PHC3: variants seen among roughly 807,000 people sequenced by gnomAD.
The protein encoded by PHC3 is polyhomeotic homolog 3.
A neutral mutation model predicts 107.4 loss-of-function variants in PHC3; 13 were observed. The observed-to-expected ratio is 0.12, with a 90% CI of 0.08 to 0.19. The LOEUF (loss-of-function observed/expected upper bound fraction) is 0.19. Ranked by LOEUF, PHC3 falls within the 10% of genes least tolerant of loss-of-function variation. The pLI is 1.00. For missense variants in PHC3, 992 were observed against 1,210.9 expected, an observed-to-expected ratio of 0.82 and a Z score of 2.68; for synonymous variants, 456 against 427.4, an observed-to-expected ratio of 1.07 and a Z score of -0.83.
At chr3:170,155,631 A>AG (rs200682230) in intron 4 of PHC3, among the ~76,000 whole-genome samples, 1,853 of 152,212 alleles carry the variant, frequency 0.012, 40 homozygotes, top group African/African-American at 0.042. Flanking sequence ...CTGAGCTGGG[A>AG]GATCACTTGA....
intron 13 of PHC3, 32 bp downstream of exon 13, chr3:170,102,770 G>A (rs969924230): frequency 6.2e-7 from 1 of 1,613,318 alleles, no homozygotes; most frequent in South Asian, 1.1e-5. Flanking sequence ...TCTGAAAAGG[G>A]TATTTTACAT....
chr3:170,155,899 T>C (rs1289834842), intron 4 of PHC3, among the ~76,000 whole-genome samples: 1 of 152,020 alleles, frequency 6.6e-6, no homozygotes, highest in East Asian at 1.9e-4. Context: ...AGGAGTAAAA[T>C]CCGGGATTAC....
chr3:170,110,451 G>A (rs895648921), intron 11 of PHC3, among the ~76,000 whole-genome samples: 1 of 151,994 alleles, frequency 6.6e-6, no homozygotes, highest in Non-Finnish European at 1.5e-5. Context: ...AAATGTTCTC[G>A]CTGTTTATCC....
intron 12 of PHC3, among the ~76,000 whole-genome samples, chr3:170,103,814 G>A (rs1452809716): frequency 6.6e-6 from 1 of 152,234 alleles, no homozygotes; most frequent in Non-Finnish European, 1.5e-5. Flanking sequence ...CACTTTGGGA[G>A]GCCAAGGTGG....
chr3:170,181,020 G>A (rs1051384512), intron 1 of PHC3, among the ~76,000 whole-genome samples: 1 of 152,372 alleles, frequency 6.6e-6, no homozygotes, highest in Non-Finnish European at 1.5e-5. Context: ...AAGTTCTGGA[G>A]TCGTTAACTA....
chr3:170,162,558 GCTAA>G (rs1377855744), intron 4 of PHC3, among the ~76,000 whole-genome samples: 6 of 152,064 alleles, frequency 3.9e-5, no homozygotes, highest in Non-Finnish European at 5.9e-5. Flanking sequence ...TTACAATCTA[GCTAA>G]CTACTTTTCT....
In PHC3 at chr3:170,095,702, GAAAAC is replaced by G. The variant is rs1714565189; in HGVS notation, c.*1523_*1527del. 6.6e-6 allele frequency: 1 copy of G among 152,098 alleles called. No individual in the cohort carries two copies. The highest frequency in any genetic ancestry group is 2.4e-5 in the African/African-American group (1 of 41,432). The allele number at this position is 152,098 out of a possible 1,614,324, so 9.4% of individuals were successfully genotyped here. A position where few individuals can be genotyped will look rare whatever the true frequency, so the allele number is the denominator to read the frequency against. The stretch of plus-strand genomic sequence containing the variant: ...CAATTGTGGTAATATAAGAAAAGAT[GAAAAC>G]AAAACATTCATCATCTCAAATAAAA... On this transcript the variant is annotated 3_prime_UTR_variant, in exon 15 of 15. Coordinates refer to ENST00000495893, the MANE Select transcript of PHC3 (RefSeq NM_024947.4).
Position 170,129,002 on chromosome 3 carries a change from G to A in PHC3, c.1470C>T (p.Gly490=). 1 of 1,613,784 alleles carries A rather than the reference G, an allele frequency of 6.2e-7. No individual in the cohort carries two copies. Among genetic ancestry groups the A allele is most frequent in the East Asian group, 2.2e-5 (1 of 44,846 alleles). Reference sequence around the variant, plus strand: ...GGTGTGATGGAGAGACAATCTGCTGGCCTGGGGATACCAAGGCAGACTGCT... The same window carrying A: ...GGTGTGATGGAGAGACAATCTGCTGACCTGGGGATACCAAGGCAGACTGCT... ...PVQQSALVSP[G]QQIVSPSHQQ... is the part of the protein sequence containing the mutation. Residue 490 remains glycine (G), a synonymous_variant, in exon 8 of 15, where the codon GGC becomes GGT. Coordinates refer to ENST00000495893, the MANE Select transcript of PHC3 (RefSeq NM_024947.4).
intron 7 of PHC3, among the ~76,000 whole-genome samples, chr3:170,135,514 C>T (rs1406559764): frequency 6.6e-6 from 1 of 151,622 alleles, no homozygotes; most frequent in African/African-American, 2.4e-5. Context: ...CATACACATA[C>T]ACACACACTC....
At chr3:170,160,919 A>G (rs1477299472) in intron 4 of PHC3, among the ~76,000 whole-genome samples, 3 of 152,178 alleles carry the variant, frequency 2.0e-5, no homozygotes, top group Non-Finnish European at 2.9e-5. Flanking sequence ...AAAAACAAAA[A>G]AAGAGTTAAC....
intron 1 of PHC3, among the ~76,000 whole-genome samples, chr3:170,180,969 C>T (rs926198339): frequency 6.6e-6 from 1 of 152,224 alleles, no homozygotes; most frequent in African/African-American, 2.4e-5. Flanking sequence ...CAAAATACAG[C>T]CAGCAGTTCT....
chr3:170,176,636 A>G (rs1028122969), intron 2 of PHC3, among the ~76,000 whole-genome samples: 2 of 152,234 alleles, frequency 1.3e-5, no homozygotes, highest in Non-Finnish European at 2.9e-5. Flanking sequence ...TCCCATCAGT[A>G]AAATGGAGAT....
At chr3:170,171,347 A>G in intron 4 of PHC3, 26 bp downstream of exon 4, 2 of 1,511,270 alleles carry the variant, frequency 1.3e-6, no homozygotes, top group Non-Finnish European at 1.8e-6. Flanking sequence ...TTTTAAATCC[A>G]GGAAAAAAAA....
Position 170,097,303 on chromosome 3 carries a change from A to G in PHC3, c.2915T>C (p.Met972Thr), listed in dbSNP as rs1714748973. 6.2e-7 allele frequency: 1 copy of G among 1,613,514 alleles called. No individual in the cohort carries two copies. The highest frequency in any genetic ancestry group is 1.3e-5 in the African/African-American group (1 of 74,900). ...GCCTAGCTTGATATTCATTGCACTC[A>G]TGAGATGGTCTTCTTTCAGCAAGAG... ...ALLLLKEDHL[M>T]SAMNIKLGPA... The change falls in exon 15 of 15, where the codon ATG (methionine) becomes ACG (threonine). Residue 972 changes from methionine (M) to threonine (T), a missense_variant. By Grantham distance (81) the Met-to-Thr change is moderately conservative. Transcript: ENST00000495893. This position sits in a 1 kb window ranked among gnomAD's most constrained non-coding sequence, Gnocchi z 4.1.
chr3:170,161,763 C>T (rs1307634014), intron 4 of PHC3, among the ~76,000 whole-genome samples: 1 of 152,230 alleles, frequency 6.6e-6, no homozygotes, highest in South Asian at 2.1e-4. Context: ...GGTGTGGGCT[C>T]TCCTCCTGGC....
At chr3:170,148,396 A>G (rs556063688) in intron 5 of PHC3, 2 of 152,366 alleles carry the variant, frequency 1.3e-5, no homozygotes, top group Middle Eastern at 3.4e-3. Context: ...CTTCTTGTAA[A>G]GACATCAAAT....
At chr3:170,176,813 C>CA in intron 2 of PHC3, 1 of 430,126 alleles carries the variant, frequency 2.3e-6, no homozygotes, top group Non-Finnish European at 4.6e-6. Flanking sequence ...TCATTAATCT[C>CA]AAAGATACTT....
At chr3:170,178,111 C>T (rs1730787248) in intron 2 of PHC3, among the ~76,000 whole-genome samples, 1 of 151,870 alleles carries the variant, frequency 6.6e-6, no homozygotes, top group Non-Finnish European at 1.5e-5. Flanking sequence ...GCCATAAGGA[C>T]TCCGCCCACA....
At chr3:170,154,487 G>A (rs1227596408) in intron 4 of PHC3, among the ~76,000 whole-genome samples, 1 of 151,954 alleles carries the variant, frequency 6.6e-6, no homozygotes, top group African/African-American at 2.4e-5. Context: ...CTCTTAGTAA[G>A]GATATTTACA....
Sources: allele counts gnomAD v4.1 joint callset (sites outside exome capture counted in the v4.1 genomes callset), GRCh38; gene constraint gnomAD v4.1.1; non-coding constraint Gnocchi (gnomAD v3.1); transcripts MANE v1.5; gene names NCBI Gene and HGNC (gene_info 2026-07-23, HGNC 2026-07-21).